The following CARMIL1 variants were observed in gnomAD, a reference collection of about 807,000 sequenced individuals.
CARMIL1 encodes the protein F-actin-uncapping protein LRRC16A.
In CARMIL1, 90 loss-of-function variants were observed where a neutral mutation model predicts 177.1. That is an observed-to-expected ratio of 0.51 (90% CI 0.43 to 0.61). The LOEUF (loss-of-function observed/expected upper bound fraction) is 0.61. CARMIL1 is among the 20% of genes least tolerant of loss of function. The pLI, the probability that CARMIL1 is intolerant of heterozygous loss-of-function variation, is 0.00. For synonymous variants in CARMIL1, 577 were observed against 606.2 expected (o/e 0.95, Z 0.71); for missense variants, 1,380 against 1,667.0 (o/e 0.83, Z 3.00).
chr6:25,580,956 T>C lies in CARMIL1; in HGVS notation c.2775T>C (p.His925=). ...MTPKSKRKSI[H]SRMLRPVSRA... is the part of the protein sequence containing the mutation. ...CTAAATCCAAAAGGAAGAGTATCCA[T>C]AGCCGAATGCTGCGGCCTGTTTCTA... The change falls in exon 30 of 37, where the codon CAT becomes CAC. Residue 925 remains histidine, a synonymous_variant. Transcript: ENST00000329474. The C allele has an allele frequency of 6.2e-7, 1 of 1,601,796 alleles. No individual in the cohort carries two copies. Among genetic ancestry groups the C allele is most frequent in the Non-Finnish European group, 8.5e-7 (1 of 1,173,610 alleles).
In CARMIL1 at chr6:25,279,656, G is replaced by T; in HGVS notation, c.-140G>T. The T allele has an allele frequency of 2.1e-5, 15 of 723,282 alleles. No individual in the cohort carries two copies. The highest frequency in any genetic ancestry group is 3.4e-5 in the South Asian group (2 of 59,472). 44.8% of individuals were successfully genotyped at this position (723,282 alleles called of 1,614,324 possible). Reference sequence around the variant, plus strand: ...GGCGGGGGGCGCGCGGCAAAATTCTGTCTCCGCCCCCCCTTTTCTTGCCCA... The same window carrying T: ...GGCGGGGGGCGCGCGGCAAAATTCTTTCTCCGCCCCCCCTTTTCTTGCCCA... On this transcript the variant is annotated 5_prime_UTR_variant, in exon 1 of 37. Transcript: ENST00000329474.
At chr6:25,486,352 C>T (rs775321278) in intron 12 of CARMIL1, among the ~76,000 whole-genome samples, 7 of 152,096 alleles carry the variant, frequency 4.6e-5, no homozygotes, top group African/African-American at 1.7e-4. Context: ...GATGCTCTCT[C>T]GAGTCTATTC....
intron 2 of CARMIL1, among the ~76,000 whole-genome samples, chr6:25,357,590 A>G (rs1049413413): frequency 6.6e-6 from 1 of 152,188 alleles, no homozygotes; most frequent in Non-Finnish European, 1.5e-5. Context: ...TGTCAAAAAG[A>G]AAACAAAAAT....
intron 23 of CARMIL1, among the ~76,000 whole-genome samples, chr6:25,528,466 G>A (rs1283132950): frequency 6.6e-6 from 1 of 152,202 alleles, no homozygotes; most frequent in Non-Finnish European, 1.5e-5. Context: ...TGTGAGAGAA[G>A]GATTGAGATT....
chr6:25,279,978 G>A, intron 1 of CARMIL1, 143 bp downstream of exon 1: 1 of 977,656 alleles, frequency 1.0e-6, no homozygotes, highest in Middle Eastern at 3.0e-4. Context: ...GGTCACTGGG[G>A]GTGCCGGGAA....
intron 2 of CARMIL1, among the ~76,000 whole-genome samples, chr6:25,395,167 A>G (rs1793261171): frequency 6.6e-6 from 1 of 152,192 alleles, no homozygotes; most frequent in Admixed American, 6.5e-5. Flanking sequence ...AAGCATGGAC[A>G]TATTTCTGTG....
At chr6:25,369,016 A>C (rs1008501409) in intron 2 of CARMIL1, among the ~76,000 whole-genome samples, 54 of 152,334 alleles carry the variant, frequency 3.5e-4, no homozygotes, top group African/African-American at 1.2e-3. Flanking sequence ...TGAATTTAAA[A>C]CCCCTTACAT....
intron 15 of CARMIL1, among the ~76,000 whole-genome samples, chr6:25,492,627 T>C (rs986067394): frequency 2.0e-5 from 3 of 152,208 alleles, no homozygotes; most frequent in African/African-American, 7.2e-5. Flanking sequence ...AAAGAATTAA[T>C]ACAGTTCAAC....
intron 2 of CARMIL1, among the ~76,000 whole-genome samples, chr6:25,286,204 T>A (rs1219455865): frequency 1.3e-5 from 2 of 152,234 alleles, no homozygotes; most frequent in African/African-American, 4.8e-5. Flanking sequence ...TTCCATTGCT[T>A]CAGTTAAAGT....
At chr6:25,428,255 T>G (rs1796442743) in intron 4 of CARMIL1, among the ~76,000 whole-genome samples, 1 of 152,212 alleles carries the variant, frequency 6.6e-6, no homozygotes, top group African/African-American at 2.4e-5. Context: ...GTGTATTATA[T>G]TCACTTGTTC....
intron 2 of CARMIL1, among the ~76,000 whole-genome samples, chr6:25,403,952 G>T (rs1161251813): frequency 1.3e-5 from 2 of 152,308 alleles, no homozygotes; most frequent in East Asian, 3.9e-4. Flanking sequence ...CTACCACAAG[G>T]TAGGCAGTCA....
intron 2 of CARMIL1, among the ~76,000 whole-genome samples, chr6:25,396,627 G>A (rs1793424807): frequency 6.6e-6 from 1 of 152,154 alleles, no homozygotes; most frequent in Admixed American, 6.5e-5. Flanking sequence ...CTCCCAAAGT[G>A]CTGGGATTAC....
rs1418434434 is a variant in CARMIL1, at chr6:25,488,562, G to A, written c.1042G>A (p.Val348Ile). 7 of 1,613,734 alleles carry A rather than the reference G, an allele frequency of 4.3e-6. No homozygotes were observed. Among genetic ancestry groups the A allele is most frequent in the Non-Finnish European group, 5.1e-6 (6 of 1,179,754 alleles). ...TLVHLDLSGN[V>I]LRGDDLSHMY... ...TGTCCACCTCGACCTCTCAGGGAAC[G>A]TCCTTCGTGGAGATGACCTCTCAGT... is the stretch of plus-strand genomic sequence containing the variant. The change falls in exon 13 of 37, where the codon GTC becomes ATC. Residue 348 changes from valine to isoleucine, a missense_variant. Physicochemically the swap from Val to Ile is conservative, Grantham distance 29 (BLOSUM62 3). Coordinates refer to ENST00000329474, the MANE Select transcript of CARMIL1 (RefSeq NM_017640.6).
rs532994346 is a variant in CARMIL1, at chr6:25,492,813, C to A, written c.1220+789C>A. On this transcript the variant is annotated intron_variant, in intron 15 of 36. Transcript: ENST00000329474. ...TTGGAAAATTCAGTTTTGTAGCATG[C>A]TTTATTCCATAACTGTGCCTTGCAA... Among the ~76,000 whole-genome samples the A allele has an allele frequency of 9.4e-4, 143 of 152,216 alleles. 1 individual carries two copies. The highest frequency in any genetic ancestry group is 3.3e-3 in the African/African-American group (137 of 41,538).
chr6:25,456,787 C>T (rs1301088783), intron 8 of CARMIL1, among the ~76,000 whole-genome samples: 2 of 152,144 alleles, frequency 1.3e-5, no homozygotes, highest in East Asian at 3.8e-4. Context: ...GACTCAATGA[C>T]ATGCATCATT....
chr6:25,511,157 C>T (rs1177054281), intron 20 of CARMIL1, among the ~76,000 whole-genome samples: 1 of 152,084 alleles, frequency 6.6e-6, no homozygotes, highest in African/African-American at 2.4e-5. Flanking sequence ...ATTTGAATTT[C>T]ATCTAATAAT....
chr6:25,453,879 C>A (rs943292532), intron 8 of CARMIL1, among the ~76,000 whole-genome samples: 1 of 152,032 alleles, frequency 6.6e-6, no homozygotes, highest in African/African-American at 2.4e-5. Context: ...TTTTTTTGGA[C>A]TTACTTTATT....
chr6:25,497,261 C>T (rs150497291), intron 16 of CARMIL1, among the ~76,000 whole-genome samples: 10 of 152,232 alleles, frequency 6.6e-5, no homozygotes, highest in Admixed American at 1.3e-4. Context: ...CTAGACACTG[C>T]GCTGGGTGCT....
chr6:25,531,399 T>C (rs1456290593), intron 24 of CARMIL1, among the ~76,000 whole-genome samples: 1 of 152,232 alleles, frequency 6.6e-6, no homozygotes, highest in Non-Finnish European at 1.5e-5. Context: ...TATGGGTGAC[T>C]GTATAGATAG....
Sources: allele counts gnomAD v4.1 joint callset (sites outside exome capture counted in the v4.1 genomes callset), GRCh38; gene constraint gnomAD v4.1.1; transcripts MANE v1.5; gene names NCBI Gene and HGNC (gene_info 2026-07-23, HGNC 2026-07-21).